Variants in SRPK1 observed in about 807,000 individuals in gnomAD.
The protein encoded by SRPK1 is SRSF protein kinase 1, also known as SFRS protein kinase 1.
In SRPK1, 52 loss-of-function variants were observed where a neutral mutation model predicts 89.5. The observed-to-expected ratio is 0.58, with a 90% confidence interval of 0.46 to 0.73. SRPK1 has a LOEUF of 0.73. Ranked by LOEUF, SRPK1 falls within the 30% of genes least tolerant of loss-of-function variation. The probability of loss-of-function intolerance (pLI) is 0.00; values close to 1 mark genes in which losing one functional copy is unlikely to be tolerated. For missense variants in SRPK1, 603 were observed against 780.6 expected, an observed-to-expected ratio of 0.77 and a Z score of 2.71; for synonymous variants, 255 against 270.2, an observed-to-expected ratio of 0.94 and a Z score of 0.55.
At chr6:35,868,954 A>C in intron 12 of SRPK1, 56 bp downstream of exon 12, 1 of 1,414,800 alleles carries the variant, frequency 7.1e-7, no homozygotes, top group Non-Finnish European at 9.8e-7. Flanking sequence ...CTAAGTCCAA[A>C]TTCTCATTCA....
intron 2 of SRPK1, among the ~76,000 whole-genome samples, chr6:35,912,325 T>C (rs917329025): frequency 3.3e-5 from 5 of 152,168 alleles, no homozygotes; most frequent in African/African-American, 1.2e-4. Context: ...CACTCCAGCC[T>C]GGGCAACAGT....
chr6:35,872,765 A>C (rs1770060430), intron 7 of SRPK1, 37 bp from the exon 8 acceptor site: 2 of 1,541,542 alleles, frequency 1.3e-6, no homozygotes. Flanking sequence ...GCAAACACAA[A>C]ATACAGGCTT....
chr6:35,917,403 C>T (rs1020090594), intron 2 of SRPK1, among the ~76,000 whole-genome samples: 2 of 152,170 alleles, frequency 1.3e-5, no homozygotes, highest in Non-Finnish European at 2.9e-5. Flanking sequence ...TTGCAATTTT[C>T]TAGGGGAGTA....
At chr6:35,897,578 T>C (rs368125391) in intron 2 of SRPK1, among the ~76,000 whole-genome samples, 1 of 152,224 alleles carries the variant, frequency 6.6e-6, no homozygotes, top group African/African-American at 2.4e-5. Flanking sequence ...GCAGTGGTGC[T>C]ATCACGGCTC....
rs149677420 is a variant in SRPK1 at position 35,835,610 on chromosome 6, C to G, written c.1784-122G>C. 1.0e-3 allele frequency: 832 copies of G among 799,956 alleles called. 5 individuals carry two copies. In the African/African-American group the frequency reaches 0.011, roughly 10 times the overall value. The allele number at this position is 799,956 out of a possible 1,614,324, so 49.6% of individuals were successfully genotyped here. A position where few individuals can be genotyped will look rare whatever the true frequency, so the allele number is the denominator to read the frequency against. On this transcript the variant is annotated intron_variant, in intron 15 of 15. Coordinates refer to ENST00000373825, the MANE Select transcript of SRPK1 (RefSeq NM_003137.5). ...AGGAATCAAATTTTGCAATCAGAAT[C>G]TAATCCTTCATTCACAAAGCATTTC...
chr6:35,857,171 T>C, intron 13 of SRPK1, 90 bp downstream of exon 13: 1 of 894,014 alleles, frequency 1.1e-6, no homozygotes, highest in South Asian at 1.5e-5. Context: ...CGTTCTTTTC[T>C]GCTAGTTAAT....
intron 12 of SRPK1, among the ~76,000 whole-genome samples, chr6:35,861,220 G>C (rs1190845247): frequency 6.6e-6 from 1 of 152,184 alleles, no homozygotes; most frequent in South Asian, 2.1e-4. Context: ...GAGGAAGCTG[G>C]CATGGGCATA....
intron 6 of SRPK1, among the ~76,000 whole-genome samples, chr6:35,876,032 TCAAA>T (rs1450066266): frequency 1.1e-5 from 1 of 92,746 alleles, no homozygotes; most frequent in Non-Finnish European, 2.1e-5. Flanking sequence ...GAGGAAACAA[TCAAA>T]CAAATCCAAA....
intron 12 of SRPK1, among the ~76,000 whole-genome samples, chr6:35,859,865 T>C (rs978628964): frequency 2.0e-5 from 3 of 151,564 alleles, no homozygotes; most frequent in African/African-American, 4.8e-5. Context: ...CGTAGTCTTT[T>C]TTTTTTTTTT....
intron 12 of SRPK1, among the ~76,000 whole-genome samples, chr6:35,866,615 G>A (rs1769911064): frequency 6.6e-6 from 1 of 151,898 alleles, no homozygotes; most frequent in Non-Finnish European, 1.5e-5. Flanking sequence ...AAGGAAAATA[G>A]TATGAAAATT....
intron 2 of SRPK1, chr6:35,904,972 T>C (rs1467037877): frequency 9.0e-6 from 4 of 446,184 alleles, no homozygotes; most frequent in Non-Finnish European, 1.8e-5. Flanking sequence ...CAAGACTCCA[T>C]CTCTACAAAA....
chr6:35,908,258 C>G (rs1375109171), intron 2 of SRPK1, among the ~76,000 whole-genome samples: 2 of 152,156 alleles, frequency 1.3e-5, no homozygotes, highest in African/African-American at 4.8e-5. Flanking sequence ...TGGAGGAGGG[C>G]TCAGAAGAAA....
Position 35,890,896 on chromosome 6 carries a change from T to C in SRPK1, c.192A>G (p.Lys64=). 1 of 1,548,624 alleles carries C rather than the reference T, an allele frequency of 6.5e-7. No individual in the cohort carries two copies. Among genetic ancestry groups the C allele is most frequent in the Non-Finnish European group, 8.7e-7 (1 of 1,146,184 alleles). The part of the protein sequence containing the change: ...DEQEDPNDYC[K]GGYHLVKIGD... ...CTTCATACCTCTTTATGAACTTACC[T>C]TTACAATAATCATTAGGATCTTCTT... Residue 64 remains lysine, a splice_region_variant and synonymous_variant, in exon 3 of 16, where the codon AAA becomes AAG. Transcript: ENST00000373825.
At chr6:35,879,989 T>G (rs1269464529) in intron 6 of SRPK1, among the ~76,000 whole-genome samples, 13 of 149,676 alleles carry the variant, frequency 8.7e-5, no homozygotes, top group Non-Finnish European at 1.6e-4. Context: ...TGAGTCTGGG[T>G]AGTCAAGGCT....
intron 2 of SRPK1, among the ~76,000 whole-genome samples, chr6:35,908,376 G>A (rs1025230759): frequency 1.8e-4 from 27 of 152,126 alleles, no homozygotes; most frequent in African/African-American, 5.6e-4. Context: ...GGTCTCAGAC[G>A]GAGACAAAGA....
intron 12 of SRPK1, among the ~76,000 whole-genome samples, chr6:35,863,810 T>A (rs1418699365): frequency 6.6e-6 from 1 of 152,088 alleles, no homozygotes; most frequent in Admixed American, 6.5e-5. Context: ...CATGTGAAGG[T>A]ACAAAACTCA....
At chr6:35,889,966 G>A (rs1176135084) in intron 3 of SRPK1, among the ~76,000 whole-genome samples, 4 of 148,350 alleles carry the variant, frequency 2.7e-5, no homozygotes, top group Non-Finnish European at 6.0e-5. Flanking sequence ...AAATTAGCCG[G>A]GTATGGTGGC....
chr6:35,887,325 A>G (rs933097150), intron 5 of SRPK1, among the ~76,000 whole-genome samples: 2 of 152,198 alleles, frequency 1.3e-5, no homozygotes. Context: ...GCTACTCTGG[A>G]GGCTAAGGCA....
chr6:35,844,656 A>T (rs1481659373), intron 13 of SRPK1, among the ~76,000 whole-genome samples: 1 of 152,132 alleles, frequency 6.6e-6, no homozygotes, highest in Non-Finnish European at 1.5e-5. Context: ...CTTATTTTAC[A>T]TTTCAGTTGT....
Sources: allele counts gnomAD v4.1 joint callset (sites outside exome capture counted in the v4.1 genomes callset), GRCh38; gene constraint gnomAD v4.1.1; transcripts MANE v1.5; gene names NCBI Gene and HGNC (gene_info 2026-07-23, HGNC 2026-07-21).